The following ZDHHC7 variants were observed in gnomAD, a reference collection of about 807,000 sequenced individuals.
ZDHHC7 encodes zDHHC palmitoyltransferase 7.
Under a neutral mutation model 34.1 loss-of-function variants are expected in ZDHHC7, and 12 were observed. That is an observed-to-expected ratio of 0.35 (90% CI 0.23 to 0.57). ZDHHC7 has a LOEUF of 0.57. Ranked by LOEUF, ZDHHC7 falls within the 20% of genes least tolerant of loss-of-function variation. The pLI is 0.84. For synonymous variants in ZDHHC7, 185 were observed against 155.4 expected (o/e 1.19, Z -1.42); for missense variants, 388 against 402.7 (o/e 0.96, Z 0.31).
intron 3 of ZDHHC7, among the ~76,000 whole-genome samples, chr16:84,985,812 G>A (rs553988347): frequency 1.3e-5 from 2 of 151,958 alleles, no homozygotes; most frequent in East Asian, 1.9e-4. Context: ...AAAACTAGCC[G>A]GGCATGGTGG....
rs2072296249 is a variant in ZDHHC7 at position 84,976,331 on chromosome 16, A to G, written c.*12T>C. 1 of 1,612,090 alleles carries G rather than the reference A, an allele frequency of 6.2e-7. No homozygotes were observed. Among genetic ancestry groups the G allele is most frequent in the Non-Finnish European group, 8.5e-7 (1 of 1,179,646 alleles). On this transcript the variant is annotated 3_prime_UTR_variant, in exon 8 of 8. Coordinates refer to ENST00000313732, the MANE Select transcript of ZDHHC7 (RefSeq NM_017740.3). Reference sequence around the variant, plus strand: ...AAGTCTGTGAGCAAGTTTCAGTCTGATGAGCCACGCCTCACACTGAGAACT... The same window carrying G: ...AAGTCTGTGAGCAAGTTTCAGTCTGGTGAGCCACGCCTCACACTGAGAACT...
chr16:85,026,576 A>G, the ZDHHC7 span, among the ~76,000 whole-genome samples: 1 of 151,364 alleles, frequency 6.6e-6, no homozygotes, highest in Non-Finnish European at 1.5e-5. Context: ...AGGAGTCTAC[A>G]GTTCAAGTCT....
At chr16:84,976,632 T>C in intron 7 of ZDHHC7, 113 bp from the exon 8 acceptor site, 1 of 1,371,236 alleles carries the variant, frequency 7.3e-7, no homozygotes, top group Non-Finnish European at 9.9e-7. Flanking sequence ...GGAGGGTAGG[T>C]GAGTGAACTC....
the ZDHHC7 span, among the ~76,000 whole-genome samples, chr16:85,027,341 C>A: frequency 2.0e-5 from 3 of 152,068 alleles, no homozygotes; most frequent in Non-Finnish European, 4.4e-5. Context: ...TAATAACATG[C>A]CTTCGCCGTA....
At chr16:85,006,456 G>A (rs2072718222) in intron 1 of ZDHHC7, among the ~76,000 whole-genome samples, 1 of 152,138 alleles carries the variant, frequency 6.6e-6, no homozygotes, top group Non-Finnish European at 1.5e-5. Flanking sequence ...CGGTCTACCT[G>A]TAATCCCGGC....
the ZDHHC7 span, among the ~76,000 whole-genome samples, chr16:85,017,708 A>G: frequency 6.6e-6 from 1 of 152,314 alleles, no homozygotes; most frequent in African/African-American, 2.4e-5. Flanking sequence ...CCAAACACCA[A>G]TGGGACCTCA....
At chr16:84,988,669 G>A in intron 3 of ZDHHC7, 1 of 1,073,842 alleles carries the variant, frequency 9.3e-7, no homozygotes, top group Non-Finnish European at 1.4e-6. Context: ...GCGCAGAGGA[G>A]GAAGGGGCAA....
intron 1 of ZDHHC7, among the ~76,000 whole-genome samples, chr16:85,007,236 C>A (rs2072729380): frequency 6.6e-6 from 1 of 151,594 alleles, no homozygotes; most frequent in African/African-American, 2.4e-5. Context: ...TCAGCCTGGC[C>A]AACATGGTAA....
chr16:84,983,316 G>A (rs2072394489), intron 3 of ZDHHC7, among the ~76,000 whole-genome samples: 1 of 152,242 alleles, frequency 6.6e-6, no homozygotes, highest in Non-Finnish European at 1.5e-5. Context: ...TGGCCCTGCT[G>A]GAGCTCCTTA....
intron 1 of ZDHHC7, among the ~76,000 whole-genome samples, chr16:85,009,561 C>T (rs1322747818): frequency 6.6e-6 from 1 of 152,118 alleles, no homozygotes; most frequent in Non-Finnish European, 1.5e-5. Flanking sequence ...GTCTTCTTCT[C>T]CTTCAACTCT....
chr16:85,025,299 A>C, the ZDHHC7 span, among the ~76,000 whole-genome samples: 1 of 151,734 alleles, frequency 6.6e-6, no homozygotes, highest in African/African-American at 2.4e-5. Context: ...TCTGAGACTG[A>C]AGCCAACTCA....
At chr16:85,003,411 G>A (rs909814056) in intron 1 of ZDHHC7, among the ~76,000 whole-genome samples, 5 of 152,226 alleles carry the variant, frequency 3.3e-5, no homozygotes, top group African/African-American at 9.6e-5. Context: ...ACTCACAAAA[G>A]GAGCGCAGCA....
In ZDHHC7 at chr16:84,988,700, G is replaced by A. The variant is rs1193692831; in HGVS notation, c.315+1604C>T. 1.7e-5 allele frequency: 24 copies of A among 1,435,112 alleles called. No individual in the cohort carries two copies. The Middle Eastern group carries it at 1.4e-3, about 84-fold the overall frequency. The allele number at this position is 1,435,112 out of a possible 1,614,324, so 88.9% of individuals were successfully genotyped here. ...GGCAAGTGCGCTTGTCAGCAAAGAG[G>A]AGCAAACTGCTGAGGACTCCCAGCC... On this transcript the variant is annotated intron_variant, in intron 3 of 7. Coordinates refer to ENST00000313732, the MANE Select transcript of ZDHHC7 (RefSeq NM_017740.3).
At chr16:84,987,678 C>T (rs375338410) in intron 3 of ZDHHC7, among the ~76,000 whole-genome samples, 1 of 152,106 alleles carries the variant, frequency 6.6e-6, no homozygotes, top group Non-Finnish European at 1.5e-5. Context: ...TTGTAACAGC[C>T]GAAAAGCAGA....
In ZDHHC7 at chr16:84,975,481, G is replaced by A. The variant is rs573838114; in HGVS notation, c.*862C>T. Reference sequence around the variant, plus strand: ...AAAAAATCAGTTCCAAGGCCCTCAAGCACTCAAGATTTCTTTAAAAAATGA... The same window carrying A: ...AAAAAATCAGTTCCAAGGCCCTCAAACACTCAAGATTTCTTTAAAAAATGA... On this transcript the variant is annotated 3_prime_UTR_variant, in exon 8 of 8. Transcript: ENST00000313732. 7.9e-5 allele frequency: 12 copies of A among 152,534 alleles called. No individual in the cohort carries two copies. Among genetic ancestry groups the A allele is most frequent in the Non-Finnish European group, 5.9e-5 (4 of 67,998 alleles). The allele number at this position is 152,534 out of a possible 1,614,324, so 9.4% of individuals were successfully genotyped here.
At chr16:84,986,367 C>T (rs1381915041) in intron 3 of ZDHHC7, among the ~76,000 whole-genome samples, 1 of 152,250 alleles carries the variant, frequency 6.6e-6, no homozygotes, top group African/African-American at 2.4e-5. Context: ...ACCTACGTCC[C>T]AGCACTGCTG....
At chr16:85,010,511 T>G (rs10454072) in intron 1 of ZDHHC7, among the ~76,000 whole-genome samples, 31,341 of 152,150 alleles carry the variant, frequency 0.21, 3,369 homozygotes, top group Admixed American at 0.31. Context: ...CTTAAGTGCA[T>G]ACACTAAGCA....
At chr16:85,001,168 G>A (rs2072647508) in intron 1 of ZDHHC7, among the ~76,000 whole-genome samples, 1 of 152,140 alleles carries the variant, frequency 6.6e-6, no homozygotes, top group Non-Finnish European at 1.5e-5. Context: ...AGGTAAACCA[G>A]ATGGTTTAAA....
At chr16:85,021,477 G>A in the ZDHHC7 span, among the ~76,000 whole-genome samples, 2 of 149,538 alleles carry the variant, frequency 1.3e-5, no homozygotes, top group East Asian at 3.9e-4. Context: ...GGGAGGCTGA[G>A]GCAGGTGGAT....
Sources: gnomAD v4.1 joint callset for allele counts (sites outside exome capture counted in the v4.1 genomes callset) on GRCh38, gnomAD v4.1.1 for gene constraint, MANE v1.5 for transcripts, NCBI Gene and HGNC (gene_info 2026-07-23, HGNC 2026-07-21) for gene names.